MGAT5: variants seen among roughly 807,000 people sequenced by gnomAD.
MGAT5 encodes alpha-1,6-mannosylglycoprotein 6-beta-N-acetylglucosaminyltransferase.
In MGAT5, 30 loss-of-function variants were observed where a neutral mutation model predicts 94.3. The observed-to-expected ratio is 0.32, with a 90% CI of 0.24 to 0.43. The LOEUF (loss-of-function observed/expected upper bound fraction) is 0.43, where lower values mean the gene tolerates loss of function less well. Ranked by LOEUF, MGAT5 falls within the 20% of genes least tolerant of loss-of-function variation. The pLI is 1.00. For missense variants in MGAT5, 691 were observed against 905.5 expected (o/e 0.76, Z 3.04); for synonymous variants, 310 against 322.9 (o/e 0.96, Z 0.43).
At chr2:134,409,868 A>C (rs1170053537) in intron 11 of MGAT5, among the ~76,000 whole-genome samples, 1 of 152,200 alleles carries the variant, frequency 6.6e-6, no homozygotes, top group Admixed American at 6.5e-5. Flanking sequence ...ATGGTGCCTC[A>C]TCTGTTCTCT....
Position 134,314,826 on chromosome 2 carries a change from G to A in MGAT5, c.407-2703G>A, listed in dbSNP as rs554766290. On this transcript the variant is annotated intron_variant, in intron 2 of 15. Transcript: ENST00000281923. ...CAGTCCAGCAGGCTTTGGCAGAAAC[G>A]AGGGGCCTTGCTTTGGGAATCTCCT... Among the ~76,000 whole-genome samples the A allele has an allele frequency of 6.6e-5, 10 of 152,284 alleles. 1 individual carries two copies. The highest frequency in any genetic ancestry group is 2.1e-4 in the South Asian group (1 of 4,830).
rs137857318 is a variant in MGAT5, at chr2:134,158,566, G to A, written c.-143+38275G>A. On this transcript the variant is annotated intron_variant, in intron 1 of 16. Transcript: ENST00000409645. ...CTGTGGGGGCTGGGGGTGCTAACTG[G>A]ACCCCCAAGAATGCAGGGATGCCCG... is the stretch of plus-strand genomic sequence containing the variant. Among the ~76,000 whole-genome samples the A allele has an allele frequency of 3.9e-3, 587 of 152,284 alleles. 5 individuals carry two copies. Among genetic ancestry groups the A allele is most frequent in the African/African-American group, 0.013 (556 of 41,538 alleles).
intron 10 of MGAT5, among the ~76,000 whole-genome samples, chr2:134,373,894 G>A (rs1253542083): frequency 6.6e-6 from 1 of 152,224 alleles, no homozygotes; most frequent in Non-Finnish European, 1.5e-5. Context: ...GGTTGCTCCA[G>A]CTTCATCTTG....
At chr2:134,365,876 C>T (rs997654952) in intron 10 of MGAT5, among the ~76,000 whole-genome samples, 3 of 151,902 alleles carry the variant, frequency 2.0e-5, no homozygotes, top group African/African-American at 4.8e-5. Context: ...TAAGGAGGAG[C>T]GGGCTTGTCC....
chr2:134,271,491 T>A (rs1219031399), intron 2 of MGAT5, among the ~76,000 whole-genome samples: 1 of 152,130 alleles, frequency 6.6e-6, no homozygotes, highest in Non-Finnish European at 1.5e-5. Context: ...TAAAAAAAAA[T>A]CTTGTTTCAT....
chr2:134,393,811 T>A (rs1294299468), intron 10 of MGAT5, among the ~76,000 whole-genome samples: 1 of 152,198 alleles, frequency 6.6e-6, no homozygotes, highest in African/African-American at 2.4e-5. Flanking sequence ...TTTATGTAAT[T>A]CAGAATCAAA....
chr2:134,370,233 A>G (rs1420356094), intron 10 of MGAT5, among the ~76,000 whole-genome samples: 1 of 152,252 alleles, frequency 6.6e-6, no homozygotes, highest in African/African-American at 2.4e-5. Context: ...TTTGTAATTA[A>G]AGAATGTACT....
chr2:134,418,377 A>T (rs557657834), intron 12 of MGAT5, among the ~76,000 whole-genome samples: 1 of 152,102 alleles, frequency 6.6e-6, no homozygotes, highest in Non-Finnish European at 1.5e-5. Context: ...ATGTGACTCT[A>T]TTAGAGAAAC....
chr2:134,217,230 G>C (rs1166921941), intron 1 of MGAT5, among the ~76,000 whole-genome samples: 2 of 117,666 alleles, frequency 1.7e-5, no homozygotes, highest in Non-Finnish European at 3.4e-5. Flanking sequence ...GTCTGAGGGA[G>C]AGAGAGTGGT....
At chr2:134,243,214 T>C (rs1444618818) in intron 1 of MGAT5, among the ~76,000 whole-genome samples, 1 of 152,094 alleles carries the variant, frequency 6.6e-6, no homozygotes, top group Admixed American at 6.6e-5. Flanking sequence ...GGGCCACACC[T>C]GAGACAAAGT....
intron 1 of MGAT5, among the ~76,000 whole-genome samples, chr2:134,123,708 T>A (rs750246040): frequency 2.6e-5 from 4 of 152,174 alleles, no homozygotes; most frequent in Non-Finnish European, 5.9e-5. Flanking sequence ...GCTCCTGGTG[T>A]CAGGTGAACA....
chr2:134,162,146 C>T (rs867976599), intron 1 of MGAT5, among the ~76,000 whole-genome samples: 14 of 151,840 alleles, frequency 9.2e-5, no homozygotes, highest in African/African-American at 9.7e-5. Context: ...GTCGAGATCA[C>T]GCCACTGCAG....
intron 1 of MGAT5, among the ~76,000 whole-genome samples, chr2:134,168,326 C>A (rs1040114472): frequency 1.3e-5 from 2 of 151,976 alleles, no homozygotes; most frequent in Admixed American, 1.3e-4. Flanking sequence ...ACAGCTGGAG[C>A]TTTGTATTTG....
chr2:134,448,113 C>T (rs1332689173), intron 15 of MGAT5, among the ~76,000 whole-genome samples: 1 of 152,246 alleles, frequency 6.6e-6, no homozygotes, highest in African/African-American at 2.4e-5. Context: ...TGATGCTGAG[C>T]TTTGCCCCAC....
chr2:134,227,618 A>G (rs750214509), intron 1 of MGAT5, among the ~76,000 whole-genome samples: 9 of 152,180 alleles, frequency 5.9e-5, no homozygotes, highest in Non-Finnish European at 1.3e-4. Flanking sequence ...ACACATATCT[A>G]CTTACCTTTG....
At chr2:134,123,054 A>T (rs1476198606) in intron 1 of MGAT5, among the ~76,000 whole-genome samples, 1 of 152,216 alleles carries the variant, frequency 6.6e-6, no homozygotes, top group Non-Finnish European at 1.5e-5. Flanking sequence ...TGCATATGCC[A>T]TGTTCTTTGG....
chr2:134,312,701 G>A (rs1356153647), intron 2 of MGAT5, among the ~76,000 whole-genome samples: 1 of 152,094 alleles, frequency 6.6e-6, no homozygotes, highest in Non-Finnish European at 1.5e-5. Context: ...CCCCCAGAAG[G>A]CAGGGCTGAG....
chr2:134,237,464 G>A (rs1681708001), intron 1 of MGAT5, among the ~76,000 whole-genome samples: 1 of 152,078 alleles, frequency 6.6e-6, no homozygotes, highest in African/African-American at 2.4e-5. Context: ...TGGGGGAGGA[G>A]GATAAAGGAG....
intron 1 of MGAT5, among the ~76,000 whole-genome samples, chr2:134,182,985 T>A (rs1420535506): frequency 1.3e-5 from 2 of 151,920 alleles, no homozygotes; most frequent in African/African-American, 2.4e-5. Flanking sequence ...AGAGACAGGG[T>A]TTCACCGTGT....
Sources: allele counts gnomAD v4.1 joint callset (sites outside exome capture counted in the v4.1 genomes callset), GRCh38; gene constraint gnomAD v4.1.1; transcripts MANE v1.5; gene names NCBI Gene and HGNC (gene_info 2026-07-23, HGNC 2026-07-21).